FLT1: variants seen among roughly 807,000 people sequenced by gnomAD.
FLT1 encodes fms related receptor tyrosine kinase 1.
FLT1 carries 49 observed loss-of-function variants against 156.3 expected under a neutral mutation model. That is an observed-to-expected ratio of 0.31 (90% CI 0.25 to 0.40). The LOEUF is 0.40. Among genes scored for constraint, FLT1 ranks in the 10% least tolerant of loss-of-function variants. The probability of loss-of-function intolerance (pLI) is 1.00; values close to 1 mark genes in which losing one functional copy is unlikely to be tolerated. For synonymous variants in FLT1, 594 were observed against 583.8 expected, an observed-to-expected ratio of 1.02 and a Z score of -0.25; for missense variants, 1,322 against 1,637.2, an observed-to-expected ratio of 0.81 and a Z score of 3.32.
intron 18 of FLT1, among the ~76,000 whole-genome samples, chr13:28,331,575 T>A (rs1022477906): frequency 9.2e-5 from 14 of 152,272 alleles, no homozygotes; most frequent in African/African-American, 3.4e-4. Flanking sequence ...GGACTACAGG[T>A]GCCCACCACC....
At chr13:28,327,249 C>T (rs896200553) in intron 20 of FLT1, among the ~76,000 whole-genome samples, 3 of 152,192 alleles carry the variant, frequency 2.0e-5, no homozygotes, top group Non-Finnish European at 4.4e-5. Flanking sequence ...TGGCTGCATA[C>T]GCACACAGGG....
intron 4 of FLT1, among the ~76,000 whole-genome samples, chr13:28,434,779 A>C (rs1877932372): frequency 6.6e-6 from 1 of 152,190 alleles, no homozygotes; most frequent in Non-Finnish European, 1.5e-5. Context: ...GCCTCTCGGG[A>C]GGCTGAGGCA....
intron 24 of FLT1, among the ~76,000 whole-genome samples, chr13:28,318,576 C>T (rs1331696374): frequency 5.9e-5 from 9 of 152,128 alleles, no homozygotes; most frequent in African/African-American, 9.7e-5. Flanking sequence ...GTGCTGGCAC[C>T]GTGTCATCGC....
At chr13:28,323,025 C>T (rs930934128) in intron 20 of FLT1, 79 bp from the exon 21 acceptor site, 19 of 1,434,348 alleles carry the variant, frequency 1.3e-5, no homozygotes, top group African/African-American at 5.6e-5. Context: ...AACTGGCAAT[C>T]GCCTGATGAG....
chr13:28,319,430 G>A lies in FLT1; in HGVS notation c.3279C>T (p.Phe1093=). The A allele has an allele frequency of 2.5e-6, 4 of 1,605,760 alleles. No individual in the cohort carries two copies. The highest frequency in any genetic ancestry group is 1.7e-5 in the Admixed American group (1 of 60,008). ...TCCTTCTCCCAAATTTACCTAAGGA[G>A]AAGATTTCCCACAGCAATACTCCGT... ...WSYGVLLWEI[F]SLGGSPYPGV... is the part of the protein sequence containing the mutation. Residue 1093 remains phenylalanine, a synonymous_variant, in exon 24 of 30, where the codon TTC becomes TTT. Transcript: ENST00000282397.
At chr13:28,402,430 A>G (rs1450492941) in intron 11 of FLT1, among the ~76,000 whole-genome samples, 1 of 152,224 alleles carries the variant, frequency 6.6e-6, no homozygotes, top group Non-Finnish European at 1.5e-5. Context: ...ACCCACAAAA[A>G]GATATATTAG....
intron 1 of FLT1, among the ~76,000 whole-genome samples, chr13:28,481,107 G>A (rs754807690): frequency 1.1e-4 from 17 of 152,118 alleles, no homozygotes; most frequent in Non-Finnish European, 2.4e-4. Context: ...CTAGTGACTC[G>A]GGCTCTGTTG....
intron 9 of FLT1, 79 bp from the exon 10 acceptor site, chr13:28,427,397 C>T (rs944412484): frequency 8.7e-6 from 11 of 1,271,150 alleles, no homozygotes; most frequent in Non-Finnish European, 1.1e-5. Context: ...TGAAGGACCA[C>T]ATTCTCACTG....
At chr13:28,333,692 G>A (rs1187206501) in intron 18 of FLT1, among the ~76,000 whole-genome samples, 1 of 152,186 alleles carries the variant, frequency 6.6e-6, no homozygotes, top group Non-Finnish European at 1.5e-5. Flanking sequence ...CAACATCACA[G>A]TAGATCATGC....
At chr13:28,374,593 C>G (rs1318033486) in intron 14 of FLT1, among the ~76,000 whole-genome samples, 1 of 151,672 alleles carries the variant, frequency 6.6e-6, no homozygotes, top group Non-Finnish European at 1.5e-5. Context: ...CTCACTGCAA[C>G]CTCCACCTCC....
rs7988646 is a variant in FLT1 at position 28,396,514 on chromosome 13, G to A, written c.1660+446C>T. On this transcript the variant is annotated intron_variant, in intron 12 of 29. Transcript: ENST00000282397. ...AAGCTCTGTTTCAGATTGCTACAGAGCCTCATTCCCCAAAAAGTCTAAATT... is the reference window on the plus strand; with the variant it reads ...AAGCTCTGTTTCAGATTGCTACAGAACCTCATTCCCCAAAAAGTCTAAATT... Among the ~76,000 whole-genome samples, 860 of 152,250 alleles carry A rather than the reference G, an allele frequency of 5.6e-3. 6 individuals are homozygous for A. The highest frequency in any genetic ancestry group is 0.019 in the African/African-American group (800 of 41,546).
At chr13:28,492,471 T>A (rs1189691261) in intron 1 of FLT1, among the ~76,000 whole-genome samples, 1 of 152,224 alleles carries the variant, frequency 6.6e-6, no homozygotes, top group African/African-American at 2.4e-5. Flanking sequence ...TTTCCCAGAA[T>A]GTCTGGAAGA....
At chr13:28,456,698 A>C (rs1879287984) in intron 3 of FLT1, among the ~76,000 whole-genome samples, 1 of 151,982 alleles carries the variant, frequency 6.6e-6, no homozygotes, top group African/African-American at 2.4e-5. Flanking sequence ...TGGGAGGCTG[A>C]GGCAGGAGAA....
intron 13 of FLT1, chr13:28,385,763 C>A: frequency 2.0e-6 from 2 of 1,005,918 alleles, no homozygotes; most frequent in Non-Finnish European, 1.2e-6. Flanking sequence ...CAATATAGTA[C>A]AACAAAATGA....
At chr13:28,324,925 C>T (rs947964436) in intron 20 of FLT1, among the ~76,000 whole-genome samples, 3 of 152,216 alleles carry the variant, frequency 2.0e-5, no homozygotes, top group African/African-American at 4.8e-5. Context: ...AGGTAATTTA[C>T]TGAACTCTTG....
chr13:28,440,546 G>T (rs1447947068), intron 3 of FLT1, among the ~76,000 whole-genome samples: 3 of 152,188 alleles, frequency 2.0e-5, no homozygotes, highest in Non-Finnish European at 4.4e-5. Context: ...AGTGCCTCAT[G>T]GTACTGCATA....
At chr13:28,425,899 T>A (rs1266002747) in intron 10 of FLT1, among the ~76,000 whole-genome samples, 2 of 152,128 alleles carry the variant, frequency 1.3e-5, no homozygotes, top group East Asian at 3.9e-4. Context: ...ATATTTAAGA[T>A]TTGTAAGTCT....
intron 24 of FLT1, among the ~76,000 whole-genome samples, chr13:28,319,174 T>G (rs943096229): frequency 6.6e-6 from 1 of 152,198 alleles, no homozygotes; most frequent in Non-Finnish European, 1.5e-5. Context: ...CCCTTGTTCA[T>G]GATCGTATAA....
chr13:28,466,276 T>A (rs956241923), intron 3 of FLT1, among the ~76,000 whole-genome samples: 1 of 152,208 alleles, frequency 6.6e-6, no homozygotes. Flanking sequence ...TCATAAAAAT[T>A]ATGAATGAAT....
Sources: gnomAD v4.1 joint callset for allele counts (sites outside exome capture counted in the v4.1 genomes callset) on GRCh38, gnomAD v4.1.1 for gene constraint, MANE v1.5 for transcripts, NCBI Gene and HGNC (gene_info 2026-07-23, HGNC 2026-07-21) for gene names.